GPNMB: variants seen among roughly 807,000 people sequenced by gnomAD.
GPNMB encodes transmembrane glycoprotein NMB.
In GPNMB, 71 loss-of-function variants were observed where a neutral mutation model predicts 57.3. The observed-to-expected ratio is 1.24, with a 90% CI of 1.02 to 1.51. The LOEUF (loss-of-function observed/expected upper bound fraction) is 1.51, where lower values mean the gene tolerates loss of function less well. Ranked by LOEUF, GPNMB falls within the 40% of genes most tolerant of loss-of-function variation. GPNMB has a pLI of 0.00. For synonymous variants in GPNMB, 253 were observed against 263.2 expected, an observed-to-expected ratio of 0.96 and a Z score of 0.38; for missense variants, 677 against 691.9, an observed-to-expected ratio of 0.98 and a Z score of 0.24.
chr7:23,272,495 G>T (rs996440064), intron 9 of GPNMB, among the ~76,000 whole-genome samples: 1 of 151,478 alleles, frequency 6.6e-6, no homozygotes, highest in Non-Finnish European at 1.5e-5. Flanking sequence ...AAAAGAGAGA[G>T]AGAAAGAGAG....
intron 5 of GPNMB, 42 bp from the exon 6 acceptor site, chr7:23,260,414 C>A: frequency 1.4e-6 from 2 of 1,438,516 alleles, no homozygotes; most frequent in Non-Finnish European, 9.6e-7. Flanking sequence ...TACAATCAAG[C>A]AATCATGCAT....
In GPNMB at chr7:23,259,964, T is replaced by A. The variant is rs542987105; in HGVS notation, c.542-16T>A. The A allele has an allele frequency of 9.9e-6, 16 of 1,613,082 alleles. No individual in the cohort carries two copies. The African/African-American group carries it at 2.0e-4, about 20-fold the overall frequency. On this transcript the variant is annotated splice_polypyrimidine_tract_variant and intron_variant, in intron 4 of 10. Coordinates refer to ENST00000258733, the MANE Select transcript of GPNMB (RefSeq NM_002510.3). The stretch of plus-strand genomic sequence containing the variant: ...TATAATGCAGCCAATAACTAAAAAT[T>A]TCCATCCTCCCAAAGGTCAGTATTT...
intron 9 of GPNMB, 77 bp downstream of exon 9, chr7:23,270,252 C>A (rs1453388371): frequency 1.4e-5 from 13 of 916,554 alleles, no homozygotes; most frequent in Non-Finnish European, 2.0e-5. Context: ...GCTATTTAGG[C>A]CTTTGTTTTC....
At chr7:23,270,856 A>G (rs554937320) in intron 9 of GPNMB, among the ~76,000 whole-genome samples, 50 of 152,318 alleles carry the variant, frequency 3.3e-4, no homozygotes, top group African/African-American at 1.2e-3. Flanking sequence ...CCCAACCTCC[A>G]AATTAGGGCT....
In GPNMB at chr7:23,260,623, G is replaced by C. The variant is rs1048319728; in HGVS notation, c.868G>C (p.Gly290Arg). 6 of 1,613,820 alleles carry C rather than the reference G, an allele frequency of 3.7e-6. No homozygotes were observed. The highest frequency in any genetic ancestry group is 1.7e-5 in the Admixed American group (1 of 59,986). ...NYKWSFGDNT[G>R]LFVSTNHTVN... ...CAAGTGGAGCTTCGGGGATAATACT[G>C]GCCTGTTTGTTTCCACCAATCATAC... The change falls in exon 6 of 11, where the codon GGC becomes CGC. Residue 290 changes from glycine to arginine, a missense_variant. Gly to Arg is a moderately radical substitution (Grantham distance 125). Coordinates refer to ENST00000258733, the MANE Select transcript of GPNMB (RefSeq NM_002510.3).
intron 9 of GPNMB, among the ~76,000 whole-genome samples, chr7:23,272,497 GAA>G (rs764735602): frequency 2.6e-5 from 4 of 151,456 alleles, no homozygotes; most frequent in African/African-American, 4.9e-5. Flanking sequence ...AAGAGAGAGA[GAA>G]AGAGAGAGAG....
In GPNMB at chr7:23,254,164, C is replaced by G; in HGVS notation, c.224-5C>G. Reference sequence around the variant, plus strand: ...ATCATCGAGCCCCACTTTTTTATACCCTAGGAGGCCGTGTGCAGGCGGTCC... The same window carrying G: ...ATCATCGAGCCCCACTTTTTTATACGCTAGGAGGCCGTGTGCAGGCGGTCC... On this transcript the variant is annotated splice_region_variant and splice_polypyrimidine_tract_variant and intron_variant, in intron 2 of 10. Transcript: ENST00000258733. The G allele has an allele frequency of 6.2e-7, 1 of 1,607,934 alleles. No homozygotes were observed. The highest frequency in any genetic ancestry group is 8.5e-7 in the Non-Finnish European group (1 of 1,177,566).
At chr7:23,255,687 T>G (rs192228047) in intron 3 of GPNMB, among the ~76,000 whole-genome samples, 175 of 152,322 alleles carry the variant, frequency 1.1e-3, no homozygotes, top group African/African-American at 4.0e-3. Flanking sequence ...ATACTGTTGG[T>G]GATTTGTATG....
chr7:23,249,380 A>G (rs1208563606), intron 1 of GPNMB, among the ~76,000 whole-genome samples: 1 of 152,246 alleles, frequency 6.6e-6, no homozygotes, highest in Non-Finnish European at 1.5e-5. Flanking sequence ...TGACATTGAT[A>G]CAGTGAAAAC....
intron 8 of GPNMB, 151 bp from the exon 9 acceptor site, chr7:23,269,816 C>G: frequency 1.5e-6 from 1 of 651,696 alleles, no homozygotes; most frequent in Non-Finnish European, 2.7e-6. Flanking sequence ...GATTATAAGA[C>G]TAACAATTCA....
chr7:23,258,784 C>A (rs1782841080), intron 4 of GPNMB, among the ~76,000 whole-genome samples: 1 of 152,204 alleles, frequency 6.6e-6, no homozygotes, highest in South Asian at 2.1e-4. Flanking sequence ...TGGAACTACC[C>A]CTGCATCTCA....
intron 10 of GPNMB, 147 bp downstream of exon 10, chr7:23,273,761 A>AT: frequency 1.6e-6 from 1 of 614,220 alleles, no homozygotes; most frequent in Non-Finnish European, 2.9e-6. Flanking sequence ...TGAATACCAA[A>AT]CTGGCCTGTT....
At chr7:23,255,786 C>T (rs765432216) in intron 3 of GPNMB, among the ~76,000 whole-genome samples, 5 of 152,162 alleles carry the variant, frequency 3.3e-5, no homozygotes, top group Admixed American at 6.5e-5. Context: ...CATTTCTGGG[C>T]TATGCGTGTT....
chr7:23,272,347 A>G (rs904516959), intron 9 of GPNMB, among the ~76,000 whole-genome samples: 2 of 152,086 alleles, frequency 1.3e-5, no homozygotes, highest in African/African-American at 4.8e-5. Context: ...AAAGCTCAGA[A>G]TGCCAGGCAC....
intron 1 of GPNMB, chr7:23,247,507 C>CTT (rs1782559564): frequency 6.4e-6 from 1 of 156,736 alleles, no homozygotes; most frequent in Non-Finnish European, 1.4e-5. Context: ...AAACCGGAAT[C>CTT]TTTGGGAGTG....
intron 1 of GPNMB, among the ~76,000 whole-genome samples, chr7:23,249,266 C>A (rs938237271): frequency 6.6e-6 from 1 of 152,150 alleles, no homozygotes; most frequent in South Asian, 2.1e-4. Flanking sequence ...TTTATAGATT[C>A]ACATACTGTT....
chr7:23,273,715 A>G (rs927252196), intron 10 of GPNMB, 101 bp downstream of exon 10: 1 of 790,916 alleles, frequency 1.3e-6, no homozygotes, highest in Non-Finnish European at 2.1e-6. Flanking sequence ...GCTTTTAAAC[A>G]TTTTGTGTAG....
At chr7:23,258,891 G>A (rs1370544072) in intron 4 of GPNMB, among the ~76,000 whole-genome samples, 3 of 152,190 alleles carry the variant, frequency 2.0e-5, no homozygotes, top group Admixed American at 6.5e-5. Flanking sequence ...GAAACAACCC[G>A]GTCTCAAAAG....
intron 1 of GPNMB, among the ~76,000 whole-genome samples, chr7:23,252,733 C>CA (rs773076914): frequency 7.9e-4 from 120 of 151,964 alleles, no homozygotes; most frequent in Non-Finnish European, 1.4e-3. Context: ...ACAGAAAATT[C>CA]AAAAAAACAC....
Sources: allele counts gnomAD v4.1 joint callset (sites outside exome capture counted in the v4.1 genomes callset), GRCh38; gene constraint gnomAD v4.1.1; transcripts MANE v1.5; gene names NCBI Gene and HGNC (gene_info 2026-07-23, HGNC 2026-07-21).